The following ITCH variants were observed in gnomAD, a reference collection of about 807,000 sequenced individuals.
The protein encoded by ITCH is E3 ubiquitin-protein ligase Itchy homolog.
A neutral mutation model predicts 126.8 loss-of-function variants in ITCH; 28 were observed. The observed-to-expected ratio is 0.22, with a 90% confidence interval of 0.16 to 0.30. The LOEUF (loss-of-function observed/expected upper bound fraction) is 0.30. Among genes scored for constraint, ITCH ranks in the 10% least tolerant of loss-of-function variants. The pLI, the probability that ITCH is intolerant of heterozygous loss-of-function variation, is 1.00. For synonymous variants in ITCH, 342 were observed against 340.0 expected (o/e 1.01, Z -0.06); for missense variants, 631 against 1,032.4 (o/e 0.61, Z 5.33).
chr20:34,443,883 G>A (rs1486520848), intron 10 of ITCH, among the ~76,000 whole-genome samples: 2 of 152,132 alleles, frequency 1.3e-5, no homozygotes, highest in South Asian at 4.1e-4. Flanking sequence ...TTAATCAGGA[G>A]TCTGAAGTGG....
chr20:34,409,205 T>C (rs1978626387), intron 4 of ITCH, among the ~76,000 whole-genome samples: 1 of 146,350 alleles, frequency 6.8e-6, no homozygotes, highest in Non-Finnish European at 1.5e-5. Context: ...TTCTTTGTTT[T>C]ATTTTGAGAT....
chr20:34,476,312 C>A (rs538549105), intron 16 of ITCH: 8 of 1,045,594 alleles, frequency 7.7e-6, no homozygotes, highest in Admixed American at 1.8e-5. Flanking sequence ...CCTGCCGACA[C>A]GCTCAGCGGC....
intron 18 of ITCH, 104 bp from the exon 19 acceptor site, chr20:34,480,494 GC>G: frequency 1.4e-6 from 2 of 1,379,634 alleles, no homozygotes; most frequent in Non-Finnish European, 2.0e-6. Flanking sequence ...GAGCCACCAT[GC>G]CTGACCCAGG....
chr20:34,496,529 G>A (rs930338295), intron 23 of ITCH, among the ~76,000 whole-genome samples: 1 of 152,184 alleles, frequency 6.6e-6, no homozygotes, highest in African/African-American at 2.4e-5. Flanking sequence ...CTCAGGGCCA[G>A]GTGTGGTGGC....
intron 2 of ITCH, among the ~76,000 whole-genome samples, chr20:34,375,839 C>G (rs1223655447): frequency 2.0e-5 from 3 of 147,898 alleles, no homozygotes. Context: ...ATAGCGAGAT[C>G]CCGTCATTAT....
At chr20:34,425,388 A>G (rs1042835474) in intron 7 of ITCH, among the ~76,000 whole-genome samples, 5 of 152,092 alleles carry the variant, frequency 3.3e-5, no homozygotes, top group African/African-American at 1.2e-4. Context: ...TGGGAAAGGA[A>G]AAACCTTACA....
At chr20:34,404,293 T>C (rs1225294001) in intron 3 of ITCH, among the ~76,000 whole-genome samples, 1 of 152,128 alleles carries the variant, frequency 6.6e-6, no homozygotes, top group Non-Finnish European at 1.5e-5. Context: ...TGTAATATTA[T>C]GACTATAACA....
At chr20:34,393,267 G>C in intron 2 of ITCH, among the ~76,000 whole-genome samples, 1 of 152,144 alleles carries the variant, frequency 6.6e-6, no homozygotes, top group East Asian at 1.9e-4. Flanking sequence ...CCAGCACTTT[G>C]GGAAGTCAGG....
intron 2 of ITCH, among the ~76,000 whole-genome samples, chr20:34,387,441 G>C (rs1011326532): frequency 6.6e-6 from 1 of 152,110 alleles, no homozygotes; most frequent in East Asian, 1.9e-4. Flanking sequence ...GACTAGCCCG[G>C]GCAATATAGT....
chr20:34,438,383 A>G, intron 7 of ITCH, 91 bp from the exon 8 acceptor site: 1 of 1,385,582 alleles, frequency 7.2e-7, no homozygotes, highest in Non-Finnish European at 1.0e-6. Flanking sequence ...AAAAACTTAG[A>G]AGTTTTCATC....
intron 10 of ITCH, among the ~76,000 whole-genome samples, chr20:34,443,512 A>AG (rs1254364980): frequency 6.6e-6 from 1 of 152,182 alleles, no homozygotes; most frequent in Non-Finnish European, 1.5e-5. Flanking sequence ...TCAAAAAAAA[A>AG]AAATCATATA....
At position 34,413,632 on chromosome 20, in the gene ITCH, A is replaced by G. The variant is rs1979376583; in HGVS notation, c.338-110A>G. The stretch of plus-strand genomic sequence containing the variant: ...ATAGTTAAACAGTTTATATGCACAT[A>G]TAGTTATATTTTCTCGGACATCACA... On this transcript the variant is annotated intron_variant, in intron 5 of 24. Transcript: ENST00000374864. The G allele has an allele frequency of 8.2e-6, 8 of 971,538 alleles. No homozygotes were observed. In the South Asian group the frequency reaches 8.7e-5, roughly 11 times the overall value. 60.2% of individuals were successfully genotyped at this position (971,538 alleles called of 1,614,324 possible).
rs1978609916 is a variant in ITCH at position 34,510,082 on chromosome 20, A to G, written c.*2288A>G. 6.6e-6 allele frequency: 1 copy of G among 152,556 alleles called. No individual in the cohort carries two copies. Among genetic ancestry groups the G allele is most frequent in the African/African-American group, 2.4e-5 (1 of 41,404 alleles). The allele number at this position is 152,556 out of a possible 1,614,324, so 9.5% of individuals were successfully genotyped here. A position where few individuals can be genotyped will look rare whatever the true frequency, so the allele number is the denominator to read the frequency against. On this transcript the variant is annotated 3_prime_UTR_variant, in exon 25 of 25. Coordinates refer to ENST00000374864, the MANE Select transcript of ITCH (RefSeq NM_031483.7). ...GTTCTATAGGGCTTGGCTATTTAAT[A>G]TTTTTATGGAAGAAGTGTTTAGTTC...
intron 13 of ITCH, 21 bp downstream of exon 13, chr20:34,457,495 A>G (rs1600390321): frequency 6.9e-7 from 1 of 1,449,894 alleles, no homozygotes; most frequent in Non-Finnish European, 9.7e-7. Context: ...TTACTTGTGT[A>G]TATTTAATCT....
In ITCH at chr20:34,445,269, T is replaced by G. The variant is rs775124189; in HGVS notation, c.966-18T>G. On this transcript the variant is annotated intron_variant, in intron 10 of 24. Coordinates refer to ENST00000374864, the MANE Select transcript of ITCH (RefSeq NM_031483.7). ...TTTGTTGAATTAGCTTGTTTTTTTT[T>G]TTTTTTTTCTGATTTAGCTGGGAAC... is the stretch of plus-strand genomic sequence containing the variant. The G allele has an allele frequency of 1.1e-4, 169 of 1,596,486 alleles. No individual in the cohort carries two copies. The highest frequency in any genetic ancestry group is 1.9e-4 in the Admixed American group (11 of 57,546).
At chr20:34,454,320 G>A (rs1293324316) in intron 12 of ITCH, 2 of 151,784 alleles carry the variant, frequency 1.3e-5, no homozygotes, top group South Asian at 2.1e-4. Flanking sequence ...TGTATTTTTA[G>A]TAGAGACGGG....
At chr20:34,466,400 G>A (rs756137514) in intron 14 of ITCH, 13 of 531,558 alleles carry the variant, frequency 2.4e-5, no homozygotes, top group Non-Finnish European at 3.9e-5. Context: ...GGCTTTCTTA[G>A]AGCAAAGATG....
intron 13 of ITCH, 71 bp downstream of exon 13, chr20:34,457,545 C>G (rs1202681619): frequency 1.9e-6 from 2 of 1,058,176 alleles, no homozygotes; most frequent in Non-Finnish European, 2.9e-6. Flanking sequence ...TGAAGAAGAT[C>G]AAAGTTCATA....
At chr20:34,408,619 C>T in intron 3 of ITCH, 32 bp from the exon 4 acceptor site, 1 of 1,560,672 alleles carries the variant, frequency 6.4e-7, no homozygotes, top group Non-Finnish European at 8.8e-7. Flanking sequence ...AACATCTCAA[C>T]TATTGAAATG....
Sources: gnomAD v4.1 joint callset for allele counts (sites outside exome capture counted in the v4.1 genomes callset) on GRCh38, gnomAD v4.1.1 for gene constraint, MANE v1.5 for transcripts, NCBI Gene and HGNC (gene_info 2026-07-23, HGNC 2026-07-21) for gene names.